The following TPR variants were observed in gnomAD, a reference collection of about 807,000 sequenced individuals.
TPR encodes the protein nucleoprotein TPR.
A neutral mutation model predicts 316.1 loss-of-function variants in TPR; 51 were observed. The observed-to-expected ratio is 0.16, with a 90% CI of 0.13 to 0.20. The LOEUF (loss-of-function observed/expected upper bound fraction) is 0.20, where lower values mean the gene tolerates loss of function less well. Ranked by LOEUF, TPR falls within the 10% of genes least tolerant of loss-of-function variation. The pLI is 1.00. For missense variants in TPR, 2,272 were observed against 2,754.8 expected (o/e 0.82, Z 3.92); for synonymous variants, 981 against 914.7 (o/e 1.07, Z -1.31).
At chr1:186,346,377 GTAA>G in intron 22 of TPR, 90 bp from the exon 23 acceptor site, 1 of 1,269,508 alleles carries the variant, frequency 7.9e-7, no homozygotes, top group South Asian at 1.8e-5. Flanking sequence ...AATTTGAGAA[GTAA>G]TAAAATTAAT....
chr1:186,354,150 T>C (rs1009180510), intron 17 of TPR, among the ~76,000 whole-genome samples: 2 of 152,144 alleles, frequency 1.3e-5, no homozygotes, highest in Admixed American at 6.5e-5. Flanking sequence ...TTTTTCTAAA[T>C]GGGAAAGGGG....
chr1:186,353,087 G>A (rs761871439), intron 18 of TPR, among the ~76,000 whole-genome samples: 33 of 151,754 alleles, frequency 2.2e-4, no homozygotes, highest in Admixed American at 2.6e-4. Context: ...TAACATATTC[G>A]TCTGGCCAGG....
Position 186,375,244 on chromosome 1 carries a change from G to A in TPR, c.-216C>T. The A allele has an allele frequency of 6.9e-7, 1 of 1,448,328 alleles. No homozygotes were observed. 89.7% of individuals were successfully genotyped at this position (1,448,328 alleles called of 1,614,324 possible). On this transcript the variant is annotated 5_prime_UTR_variant, in exon 1 of 51. Coordinates refer to ENST00000367478, the MANE Select transcript of TPR (RefSeq NM_003292.3). ...TTTCAGCAACAGCACCTCACCGCCC[G>A]CGACCGAAGTGCGCGCGCAGCCGTT...
At chr1:186,350,588 C>A (rs904215981) in intron 20 of TPR, among the ~76,000 whole-genome samples, 200 bp from the exon 21 acceptor site, 1 of 151,790 alleles carries the variant, frequency 6.6e-6, no homozygotes, top group African/African-American at 2.4e-5. Context: ...AAGAGGTGAA[C>A]CTTAGATTGC....
rs777355113 is a variant in TPR at position 186,318,602 on chromosome 1, C to G, written c.6666G>C (p.Val2222=). The G allele has an allele frequency of 5.6e-6, 9 of 1,606,492 alleles. No homozygotes were observed. Among genetic ancestry groups the G allele is most frequent in the Non-Finnish European group, 7.6e-6 (9 of 1,178,036 alleles). Residue 2222 remains valine, a splice_region_variant and synonymous_variant, in exon 48 of 51, where the codon GTG becomes GTC. Transcript: ENST00000367478. ...PTTPLQVAAP[V]TVFTESTTSD... is the part of the protein sequence containing the mutation. ...AGGTGGTGCTCTCAGTAAATACAGT[C>G]ACTTTAAAAAGACAACACAAGAAAA...
chr1:186,317,234 A>G (rs1657637481), intron 49 of TPR, among the ~76,000 whole-genome samples: 2 of 152,248 alleles, frequency 1.3e-5, no homozygotes, highest in Non-Finnish European at 2.9e-5. Flanking sequence ...GTCTAGATGA[A>G]ACATGAGTGA....
At chr1:186,343,801 CTTTAT>C in intron 26 of TPR, 100 bp downstream of exon 26, 1 of 1,060,936 alleles carries the variant, frequency 9.4e-7, no homozygotes, top group East Asian at 2.7e-5. Flanking sequence ...AAAGAATGAA[CTTTAT>C]ATCAAAATCG....
At chr1:186,336,211 C>T (rs1658336638) in intron 33 of TPR, among the ~76,000 whole-genome samples, 1 of 152,104 alleles carries the variant, frequency 6.6e-6, no homozygotes, top group South Asian at 2.1e-4. Flanking sequence ...GGATCTCTGT[C>T]ACAAGATAGA....
chr1:186,343,793 A>T (rs1658590285), intron 26 of TPR, 113 bp downstream of exon 26: 1 of 1,030,520 alleles, frequency 9.7e-7, no homozygotes, highest in South Asian at 1.9e-5. Context: ...GACAAATAAA[A>T]GAATGAACTT....
chr1:186,319,904 T>C (rs1390725733), intron 46 of TPR, among the ~76,000 whole-genome samples: 1 of 152,340 alleles, frequency 6.6e-6, no homozygotes, highest in East Asian at 1.9e-4. Context: ...ACAAAAAATA[T>C]AACTAGCCTT....
rs1659218816 is a variant in TPR at position 186,362,282 on chromosome 1, AT to A, written c.789+5del. 26 of 1,606,362 alleles carry A rather than the reference AT, an allele frequency of 1.6e-5. No individual in the cohort carries two copies. Among genetic ancestry groups the A allele is most frequent in the Non-Finnish European group, 2.1e-5 (25 of 1,174,026 alleles). On this transcript the variant is annotated splice_donor_5th_base_variant and intron_variant, in intron 7 of 50. Transcript: ENST00000367478. ...GTAAAAAAGACATTTTAATGGTCAT[AT>A]ATACCTCTTTTAATTTGGTCAACAG...
chr1:186,324,222 A>G (rs1657851942), intron 42 of TPR, among the ~76,000 whole-genome samples: 1 of 151,626 alleles, frequency 6.6e-6, no homozygotes, highest in Admixed American at 6.6e-5. Flanking sequence ...AAACATTAAA[A>G]ACACTAAAAT....
At chr1:186,354,486 G>A (rs1174331704) in intron 17 of TPR, among the ~76,000 whole-genome samples, 3 of 152,028 alleles carry the variant, frequency 2.0e-5, no homozygotes, top group Admixed American at 2.0e-4. Flanking sequence ...GCTGGCTAGA[G>A]GTATCAACAG....
At chr1:186,326,305 C>A (rs984270725) in intron 40 of TPR, 70 bp from the exon 41 acceptor site, 14 of 1,533,880 alleles carry the variant, frequency 9.1e-6, no homozygotes, top group Non-Finnish European at 1.1e-5. Context: ...TGTCTAGATA[C>A]CACACTTAGA....
intron 3 of TPR, among the ~76,000 whole-genome samples, chr1:186,368,887 C>T (rs972495898): frequency 3.3e-5 from 5 of 152,066 alleles, no homozygotes; most frequent in Admixed American, 2.0e-4. Context: ...TCAGGTCTTA[C>T]ATTTAGATCT....
At chr1:186,367,173 T>A (rs1659373925) in intron 4 of TPR, among the ~76,000 whole-genome samples, 1 of 150,994 alleles carries the variant, frequency 6.6e-6, no homozygotes, top group South Asian at 2.1e-4. Context: ...TTTAAGCAAT[T>A]CTCTGCCTCA....
rs966220190 is a variant in TPR at position 186,343,468 on chromosome 1, A to G, written c.3608T>C (p.Ile1203Thr). The change falls in exon 27 of 51, where the codon ATA becomes ACA. Residue 1203 changes from isoleucine (I) to threonine (T), a missense_variant. Around this residue, in one of 10 missense-constraint regions of TPR, gnomAD observed 757 missense variants for 859.8 expected, o/e 0.88. Coordinates refer to ENST00000367478, the MANE Select transcript of TPR (RefSeq NM_003292.3). ...TTCAGCAATTTCTTTTTCTCGTCGTATAAATCTACAAAAATACAGATATTA... is the reference window on the plus strand; with the variant it reads ...TTCAGCAATTTCTTTTTCTCGTCGTGTAAATCTACAAAAATACAGATATTA... The part of the protein sequence containing the change: ...QEQILEILRF[I>T]RREKEIAETR... The G allele has an allele frequency of 1.2e-6, 2 of 1,610,806 alleles. No homozygotes were observed. The highest frequency in any genetic ancestry group is 1.3e-5 in the African/African-American group (1 of 74,704).
intron 37 of TPR, 84 bp from the exon 38 acceptor site, chr1:186,332,427 C>T: frequency 7.1e-7 from 1 of 1,401,994 alleles, no homozygotes; most frequent in Non-Finnish European, 9.8e-7. Context: ...GGTCACTTAA[C>T]TAAAGGAGAA....
Position 186,333,087 on chromosome 1 carries a change from G to A in TPR, c.5455+35C>T, listed in dbSNP as rs775041007. On this transcript the variant is annotated intron_variant, in intron 37 of 50. Transcript: ENST00000367478. ...ACACTCAAGATCTTATAAATGCATA[G>A]GTCTACTCTGACTTCATTTTAAAAT... The A allele has an allele frequency of 3.1e-6, 5 of 1,605,688 alleles. No individual in the cohort carries two copies. The East Asian group carries it at 8.9e-5, about 29-fold the overall frequency.
Sources: allele counts gnomAD v4.1 joint callset (sites outside exome capture counted in the v4.1 genomes callset), GRCh38; gene constraint gnomAD v4.1.1; regional missense constraint gnomAD v4.1.1; transcripts MANE v1.5; gene names NCBI Gene and HGNC (gene_info 2026-07-23, HGNC 2026-07-21).